The following CREM variants were observed in gnomAD, a reference collection of about 807,000 sequenced individuals.
CREM encodes the protein cAMP responsive element modulator.
A neutral mutation model predicts 37.3 loss-of-function variants in CREM; 13 were observed. That is an observed-to-expected ratio of 0.35 (90% confidence interval 0.23 to 0.55). The LOEUF (loss-of-function observed/expected upper bound fraction) is 0.55, where lower values mean the gene tolerates loss of function less well. Ranked by LOEUF, CREM falls within the 20% of genes least tolerant of loss-of-function variation. The probability of loss-of-function intolerance (pLI) is 0.88; values close to 1 mark genes in which losing one functional copy is unlikely to be tolerated. For synonymous variants in CREM, 124 were observed against 120.2 expected, an observed-to-expected ratio of 1.03 and a Z score of -0.21; for missense variants, 296 against 362.3, an observed-to-expected ratio of 0.82 and a Z score of 1.49.
intron 3 of CREM, chr10:35,167,657 G>C: frequency 6.7e-7 from 1 of 1,494,084 alleles, no homozygotes; most frequent in Non-Finnish European, 9.3e-7. Context: ...AGCCAAATAA[G>C]GCTGTCAATT....
intron 2 of CREM, among the ~76,000 whole-genome samples, chr10:35,139,502 T>C (rs1404037088): frequency 2.0e-5 from 3 of 152,200 alleles, no homozygotes; most frequent in Non-Finnish European, 2.9e-5. Context: ...TAATTTATAG[T>C]GCTTAGTGGA....
At chr10:35,186,845 C>CCTATATAT (rs2094579001) in intron 5 of CREM, among the ~76,000 whole-genome samples, 1 of 104,436 alleles carries the variant, frequency 9.6e-6, no homozygotes, top group East Asian at 2.6e-4. Context: ...GGTATATATA[C>CCTATATAT]GTATATATGT....
rs1482709071 is a variant in CREM, at chr10:35,206,900, A to G, written c.604A>G (p.Thr202Ala). Residue 202 changes from threonine (T) to alanine (A), a missense_variant, in exon 7 of 8, where the codon ACT becomes GCT. By Grantham distance (58) the Thr-to-Ala change is moderately conservative (BLOSUM62 0). Coordinates refer to ENST00000685392, the MANE Select transcript of CREM (RefSeq NM_183011.2). ...PGSQVVVQAATGDMPTYQIRA... is the reference protein window; with the variant it reads ...PGSQVVVQAAAGDMPTYQIRA... ...AATATTTTGTTTTACTGCAGCTGCCACTGGTGACATGCCAACTTACCAGAT... is the reference window on the plus strand; with the variant it reads ...AATATTTTGTTTTACTGCAGCTGCCGCTGGTGACATGCCAACTTACCAGAT... The G allele has an allele frequency of 2.5e-6, 4 of 1,613,476 alleles. No homozygotes were observed. In the African/African-American group the frequency reaches 5.3e-5, roughly 22 times the overall value.
chr10:35,135,980 C>T (rs1393375911), intron 1 of CREM, among the ~76,000 whole-genome samples: 1 of 152,092 alleles, frequency 6.6e-6, no homozygotes, highest in African/African-American at 2.4e-5. Context: ...AAGTAAGTCT[C>T]TGATCATCCT....
intron 3 of CREM, 69 bp downstream of exon 3, chr10:35,148,560 T>G: frequency 6.6e-7 from 1 of 1,512,188 alleles, no homozygotes; most frequent in Non-Finnish European, 9.0e-7. Flanking sequence ...AGATTCTGTT[T>G]TCTTGCCATT....
At chr10:35,198,766 AAT>A (rs2095294829) in intron 6 of CREM, among the ~76,000 whole-genome samples, 1 of 152,244 alleles carries the variant, frequency 6.6e-6, no homozygotes, top group Non-Finnish European at 1.5e-5. Flanking sequence ...TGTCTTAGTT[AAT>A]ATTTGATGCA....
At chr10:35,201,890 A>AT (rs1332086866) in intron 6 of CREM, among the ~76,000 whole-genome samples, 2 of 152,238 alleles carry the variant, frequency 1.3e-5, no homozygotes, top group African/African-American at 4.8e-5. Context: ...TATTTTAAGC[A>AT]TTCTAAATGA....
At chr10:35,145,776 CAA>C (rs370248344) in intron 2 of CREM, among the ~76,000 whole-genome samples, 28 of 85,226 alleles carry the variant, frequency 3.3e-4, no homozygotes, top group African/African-American at 1.2e-3. Flanking sequence ...GACTCTGCCT[CAA>C]AAAAAAAAAA....
chr10:35,199,732 C>T (rs2095326938), intron 6 of CREM, among the ~76,000 whole-genome samples: 1 of 152,088 alleles, frequency 6.6e-6, no homozygotes, highest in African/African-American at 2.4e-5. Context: ...CTTCAGAATC[C>T]TCGGGTTCTG....
rs766001489 is a variant in CREM, at chr10:35,211,623, C to T, written c.*225C>T. The T allele has an allele frequency of 2.5e-6, 4 of 1,601,006 alleles. No individual in the cohort carries two copies. The highest frequency in any genetic ancestry group is 3.4e-6 in the Non-Finnish European group (4 of 1,174,116). Reference sequence around the variant, plus strand: ...GTTTGTCAATAGCATGCAAAAAATGCTTTGTTTGCCCTTTGCTTCTGCTTT... The same window carrying T: ...GTTTGTCAATAGCATGCAAAAAATGTTTTGTTTGCCCTTTGCTTCTGCTTT... On this transcript the variant is annotated 3_prime_UTR_variant, in exon 8 of 8. Transcript: ENST00000685392.
chr10:35,150,262 G>C (rs928679374), intron 3 of CREM, among the ~76,000 whole-genome samples: 11 of 151,928 alleles, frequency 7.2e-5, no homozygotes, highest in African/African-American at 2.7e-4. Flanking sequence ...CTCCTGTGCT[G>C]AAGCAGTCCT....
At chr10:35,187,271 G>GTT (rs113824814) in intron 5 of CREM, among the ~76,000 whole-genome samples, 1 of 113,782 alleles carries the variant, frequency 8.8e-6, no homozygotes, top group Non-Finnish European at 1.7e-5. Flanking sequence ...ATGTATGTTG[G>GTT]TTTTTTTTTT....
At chr10:35,189,640 C>G (rs1359122168) in intron 6 of CREM, among the ~76,000 whole-genome samples, 1 of 151,998 alleles carries the variant, frequency 6.6e-6, no homozygotes, top group Non-Finnish European at 1.5e-5. Flanking sequence ...CTCAGCCTCC[C>G]GAGTAGCTGG....
intron 6 of CREM, among the ~76,000 whole-genome samples, chr10:35,197,018 C>T (rs571398065): frequency 2.6e-5 from 4 of 151,882 alleles, no homozygotes; most frequent in African/African-American, 7.2e-5. Flanking sequence ...TACAGGCGCC[C>T]GCCTAATTTT....
intron 6 of CREM, 112 bp downstream of exon 6, chr10:35,188,500 T>A: frequency 1.1e-6 from 1 of 875,668 alleles, no homozygotes; most frequent in Non-Finnish European, 1.6e-6. Context: ...GGTGGGGGGT[T>A]GGGAGGCACT....
intron 3 of CREM, among the ~76,000 whole-genome samples, chr10:35,177,268 T>C (rs1436580412): frequency 6.6e-6 from 1 of 151,998 alleles, no homozygotes; most frequent in Non-Finnish European, 1.5e-5. Context: ...CCCAGAAGTG[T>C]AAGAATAATT....
intron 7 of CREM, among the ~76,000 whole-genome samples, chr10:35,209,606 A>T (rs1252645631): frequency 6.6e-6 from 1 of 152,198 alleles, no homozygotes; most frequent in Non-Finnish European, 1.5e-5. Context: ...ATGTTTAAAC[A>T]CCCGCAACAC....
In CREM at chr10:35,172,618, A is replaced by T. The variant is rs1217048543; in HGVS notation, c.169-6271A>T. On this transcript the variant is annotated intron_variant, in intron 3 of 7. Transcript: ENST00000685392. ...TTTTACTTAAGAATATCTTTGATGA[A>T]GCAGTAAAAATTACCATTGCATTAA... Among the ~76,000 whole-genome samples, 4 of 151,924 alleles carry T rather than the reference A, an allele frequency of 2.6e-5. No individual in the cohort carries two copies. The East Asian group carries it at 5.8e-4, about 22-fold the overall frequency.
intron 1 of CREM, among the ~76,000 whole-genome samples, chr10:35,128,609 TCCG>T (rs1165622648): frequency 6.7e-6 from 1 of 148,248 alleles, no homozygotes; most frequent in East Asian, 2.1e-4. Flanking sequence ...CACTGCAAGC[TCCG>T]CCTCCTGGGT....
Sources: allele counts gnomAD v4.1 joint callset (sites outside exome capture counted in the v4.1 genomes callset), GRCh38; gene constraint gnomAD v4.1.1; transcripts MANE v1.5; gene names NCBI Gene and HGNC (gene_info 2026-07-23, HGNC 2026-07-21).